Variants in TEX14 observed in about 807,000 individuals in gnomAD.
TEX14 encodes testis expressed 14, intercellular bridge forming factor.
A neutral mutation model predicts 178.6 loss-of-function variants in TEX14; 168 were observed. The observed-to-expected ratio is 0.94, with a 90% CI of 0.83 to 1.07. The LOEUF (loss-of-function observed/expected upper bound fraction) is 1.07, where lower values mean the gene tolerates loss of function less well. TEX14 is among the 50% of genes least tolerant of loss of function. The pLI is 0.00. For missense variants in TEX14, 1,730 were observed against 1,753.6 expected (o/e 0.99, Z 0.24); for synonymous variants, 626 against 634.1 (o/e 0.99, Z 0.19).
At chr17:58,573,002 C>G (rs1317946791) in intron 23 of TEX14, among the ~76,000 whole-genome samples, 179 bp downstream of exon 23, 1 of 152,274 alleles carries the variant, frequency 6.6e-6, no homozygotes, top group Non-Finnish European at 1.5e-5. Context: ...CCAATAATCA[C>G]CACCACCATC....
At chr17:58,678,566 T>TG (rs1441299476) in intron 1 of TEX14, among the ~76,000 whole-genome samples, 1 of 151,860 alleles carries the variant, frequency 6.6e-6, no homozygotes, top group Non-Finnish European at 1.5e-5. Flanking sequence ...TGAGCAAACT[T>TG]TGCAAGGACA....
Position 58,557,829 on chromosome 17 carries a change from CA to C in TEX14, c.4288del (p.Trp1430GlyfsTer4). The C allele has an allele frequency of 1.9e-6, 3 of 1,611,428 alleles. No homozygotes were observed. The highest frequency in any genetic ancestry group is 1.7e-6 in the Non-Finnish European group (2 of 1,178,666). On this transcript the variant is annotated frameshift_variant, in exon 31 of 32. Coordinates refer to ENST00000349033, the MANE Select transcript of TEX14 (RefSeq NM_031272.5). LOFTEE classifies it high-confidence loss of function. ...SEEDELKSCF[W>X]KRLGWSESSR... ...TGATTCGGACCAACCTAGTCGCTTCCAAAAACAGGATTTTAGTTCATCTTGA... is the reference window on the plus strand; with the variant it reads ...TGATTCGGACCAACCTAGTCGCTTCCAAAACAGGATTTTAGTTCATCTTGA...
intron 3 of TEX14, among the ~76,000 whole-genome samples, chr17:58,627,043 C>G (rs531860089): frequency 6.6e-6 from 1 of 152,260 alleles, no homozygotes; most frequent in African/African-American, 2.4e-5. Context: ...GGTTTGCCAT[C>G]CTCTCTTGTT....
At chr17:58,669,468 C>G (rs1444282518) in intron 1 of TEX14, among the ~76,000 whole-genome samples, 5 of 151,924 alleles carry the variant, frequency 3.3e-5, no homozygotes, top group Admixed American at 3.3e-4. Context: ...CGTGGTGGCT[C>G]ACGCCTGTAA....
intron 3 of TEX14, among the ~76,000 whole-genome samples, chr17:58,625,003 G>A (rs548168015): frequency 6.6e-6 from 1 of 152,334 alleles, no homozygotes; most frequent in Admixed American, 6.5e-5. Flanking sequence ...GGTTCTCACT[G>A]TAGGCTCTCT....
Position 58,557,021 on chromosome 17 carries a change from A to C in TEX14, c.4346T>G (p.Leu1449Trp). Reference protein sequence around the residue: ...SRIIVLDQSDLSD With the variant: ...SRIIVLDQSDWSD Reference sequence around the variant, plus strand: ...ATGATCCAATTCCAATCAGTCTGACAAGTCACTCTGATCCAGCACGATTAT... The same window carrying C: ...ATGATCCAATTCCAATCAGTCTGACCAGTCACTCTGATCCAGCACGATTAT... The change falls in exon 32 of 32, where the codon TTG (leucine) becomes TGG (tryptophan). Residue 1449 changes from leucine (L) to tryptophan (W), a missense_variant. Coordinates refer to ENST00000349033, the MANE Select transcript of TEX14 (RefSeq NM_031272.5). The C allele has an allele frequency of 1.2e-6, 2 of 1,613,832 alleles. No individual in the cohort carries two copies. The highest frequency in any genetic ancestry group is 1.7e-6 in the Non-Finnish European group (2 of 1,179,678).
chr17:58,563,699 AGAGC>A (rs200193462), intron 28 of TEX14, among the ~76,000 whole-genome samples: 1,701 of 19,302 alleles, frequency 0.088, 131 homozygotes, highest in African/African-American at 0.17. Context: ...AGAGAGAGAG[AGAGC>A]GCAAGATCAT....
rs1598394663 is a variant in TEX14 at position 58,622,833 on chromosome 17, G to A, written c.417+14C>T. ...TTCTAGTGGGCATGGCTACAGAGTG[G>A]GACCCACCCTTACCTGGGTGCTACG... On this transcript the variant is annotated intron_variant, in intron 4 of 31. Coordinates refer to ENST00000349033, the MANE Select transcript of TEX14 (RefSeq NM_031272.5). 5 of 1,597,672 alleles carry A rather than the reference G, an allele frequency of 3.1e-6. No homozygotes were observed. Among genetic ancestry groups the A allele is most frequent in the East Asian group, 2.3e-5 (1 of 44,444 alleles).
intron 1 of TEX14, among the ~76,000 whole-genome samples, chr17:58,683,957 C>T (rs750482499): frequency 6.6e-6 from 1 of 151,204 alleles, no homozygotes; most frequent in Non-Finnish European, 1.5e-5. Flanking sequence ...CCCAGCTACT[C>T]GGGAGGCTGA....
rs757606103 is a variant in TEX14, at chr17:58,559,475, A to G, written c.4245T>C (p.Gly1415=). ...TACCTTCTTCAGAAGTCCCTAGAAC[A>G]CCCTCTGATTTCCTTCTTTCTGGTG... ...SITPERRKSE[G]VLGTSEEDEL... is the part of the protein sequence containing the mutation. Residue 1415 remains glycine (G), a synonymous_variant, in exon 30 of 32, where the codon GGT becomes GGC. Transcript: ENST00000349033. 1 of 1,508,834 alleles carries G rather than the reference A, an allele frequency of 6.6e-7. No homozygotes were observed. The highest frequency in any genetic ancestry group is 1.1e-5 in the South Asian group (1 of 88,030). The allele number at this position is 1,508,834 out of a possible 1,614,324, so 93.5% of individuals were successfully genotyped here. A position where few individuals can be genotyped will look rare whatever the true frequency, so the allele number is the denominator to read the frequency against.
intron 2 of TEX14, among the ~76,000 whole-genome samples, chr17:58,632,202 A>G (rs2046337937): frequency 6.6e-6 from 1 of 152,252 alleles, no homozygotes; most frequent in South Asian, 2.1e-4. Flanking sequence ...GCCCTTCGAG[A>G]ATAACCAAAG....
At chr17:58,619,796 C>CAA (rs71367606) in intron 5 of TEX14, among the ~76,000 whole-genome samples, 58 of 73,752 alleles carry the variant, frequency 7.9e-4, no homozygotes, top group African/African-American at 2.0e-3. Flanking sequence ...GACTCAGTCT[C>CAA]AAAAAAAAAA....
In TEX14 at chr17:58,599,417, G is replaced by A. The variant is rs1336298348; in HGVS notation, c.1928C>T (p.Ala643Val). The A allele has an allele frequency of 6.2e-7, 1 of 1,614,178 alleles. No individual in the cohort carries two copies. The highest frequency in any genetic ancestry group is 1.3e-5 in the African/African-American group (1 of 75,038). ...AGGTCCGTCTGCCTCCAAAGATGAA[G>A]CAGCTCCTGGAGGCTCTTCTATGTC... is the stretch of plus-strand genomic sequence containing the variant. ...EDDIEEPPGA[A>V]SSLEADGPNQ... Residue 643 changes from alanine (A) to valine (V), a missense_variant, in exon 14 of 32, where the codon GCT becomes GTT. Coordinates refer to ENST00000349033, the MANE Select transcript of TEX14 (RefSeq NM_031272.5).
At chr17:58,608,182 C>G (rs578262030) in intron 10 of TEX14, among the ~76,000 whole-genome samples, 1 of 152,258 alleles carries the variant, frequency 6.6e-6, no homozygotes, top group African/African-American at 2.4e-5. Context: ...CTTTGGGAGG[C>G]TGAGGCGGGT....
At chr17:58,626,292 G>A (rs1032533400) in intron 3 of TEX14, among the ~76,000 whole-genome samples, 6 of 152,194 alleles carry the variant, frequency 3.9e-5, no homozygotes, top group East Asian at 1.9e-4. Flanking sequence ...CTGGCTGGGT[G>A]CGGTGGCTCA....
intron 1 of TEX14, among the ~76,000 whole-genome samples, chr17:58,678,004 G>A (rs910746031): frequency 2.0e-5 from 3 of 152,198 alleles, no homozygotes; most frequent in Admixed American, 2.0e-4. Context: ...ACAAAAATTA[G>A]CCTGGCATGG....
intron 1 of TEX14, chr17:58,659,268 T>C (rs1044795224): frequency 4.7e-5 from 40 of 850,220 alleles, no homozygotes; most frequent in Non-Finnish European, 5.4e-5. Context: ...AAACACTTTA[T>C]CAGGACCAAC....
At position 58,579,726 on chromosome 17, in the gene TEX14, C is replaced by T. The variant is rs1309712803; in HGVS notation, c.3177G>A (p.Ser1059=). The change falls in exon 20 of 32, where the codon TCG becomes TCA. Residue 1059 remains serine, a synonymous_variant. Transcript: ENST00000349033. ...CTTCAAAGTCCTCTTCTATGGGACT[C>T]GAGGTCTAAAAAAGAACAAAAGAAA... ...LVAVEKSYST[S]SPIEEDFEGI... The T allele has an allele frequency of 8.7e-6, 14 of 1,613,074 alleles. No homozygotes were observed. Among genetic ancestry groups the T allele is most frequent in the African/African-American group, 2.7e-5 (2 of 74,848 alleles).
intron 1 of TEX14, chr17:58,677,505 A>C (rs2047413729): frequency 6.6e-6 from 1 of 152,210 alleles, no homozygotes; most frequent in Non-Finnish European, 1.5e-5. Context: ...CACAAGAAAC[A>C]AGCAAGGAGA....
Sources: allele counts gnomAD v4.1 joint callset (sites outside exome capture counted in the v4.1 genomes callset), GRCh38; gene constraint gnomAD v4.1.1; transcripts MANE v1.5; gene names NCBI Gene and HGNC (gene_info 2026-07-23, HGNC 2026-07-21).